The following PALLD variants were observed in gnomAD, a reference collection of about 807,000 sequenced individuals.
PALLD encodes the protein palladin.
A neutral mutation model predicts 123.5 loss-of-function variants in PALLD; 61 were observed. The observed-to-expected ratio is 0.49, with a 90% CI of 0.40 to 0.61. The LOEUF (loss-of-function observed/expected upper bound fraction) is 0.61. PALLD is among the 20% of genes least tolerant of loss of function. The pLI is 0.00. For synonymous variants in PALLD, 465 were observed against 496.4 expected, an observed-to-expected ratio of 0.94 and a Z score of 0.84; for missense variants, 1,273 against 1,377.0, an observed-to-expected ratio of 0.92 and a Z score of 1.20.
intron 5 of PALLD, among the ~76,000 whole-genome samples, chr4:168,684,609 A>G (rs1781854310): frequency 6.6e-6 from 1 of 152,226 alleles, no homozygotes; most frequent in Non-Finnish European, 1.5e-5. Context: ...TCCCTGGCAT[A>G]GAGTAAATAT....
intron 10 of PALLD, among the ~76,000 whole-genome samples, chr4:168,825,280 CTCTT>C (rs1388518580): frequency 1.3e-5 from 2 of 152,168 alleles, no homozygotes; most frequent in African/African-American, 4.8e-5. Flanking sequence ...TCTTCTCTCT[CTCTT>C]CTCATTCCAT....
At chr4:168,639,833 C>G (rs142983185) in intron 2 of PALLD, among the ~76,000 whole-genome samples, 1 of 152,174 alleles carries the variant, frequency 6.6e-6, no homozygotes, top group Admixed American at 6.6e-5. Flanking sequence ...CGTGAGCCAC[C>G]GTGCCCGGCC....
chr4:168,890,455 C>T (rs1753991890), intron 10 of PALLD, among the ~76,000 whole-genome samples: 1 of 152,168 alleles, frequency 6.6e-6, no homozygotes, highest in South Asian at 2.1e-4. Context: ...ATAATGATTA[C>T]AAAGCACTAG....
chr4:168,898,654 G>C lies in PALLD; in HGVS notation c.2412G>C (p.Lys804Asn), dbSNP rs1221025189. 5.0e-6 allele frequency: 8 copies of C among 1,614,056 alleles called. No homozygotes were observed. Among genetic ancestry groups the C allele is most frequent in the Non-Finnish European group, 6.8e-6 (8 of 1,180,032 alleles). Residue 804 changes from lysine to asparagine, a missense_variant, in exon 14 of 22, where the codon AAG becomes AAC. Transcript: ENST00000505667. ...PFFEMKLKHY[K>N]IFEGMPVTFT... Reference sequence around the variant, plus strand: ...TTGAGATGAAGCTGAAACATTACAAGATCTTTGAGGGAATGCCAGTAACTT... The same window carrying C: ...TTGAGATGAAGCTGAAACATTACAACATCTTTGAGGGAATGCCAGTAACTT...
At chr4:168,761,641 G>GGTTGTTTTTTTTTTTTTTTTTTTTTTTTT (rs1732853351) in intron 10 of PALLD, among the ~76,000 whole-genome samples, 1 of 11,650 alleles carries the variant, frequency 8.6e-5, no homozygotes, top group African/African-American at 2.1e-4. Context: ...TGTTGTTGTT[G>GGTTGTTTTTTTTTTTTTTTTTTTTTTTTT]TTTGTTTTTT....
chr4:168,631,735 C>T, intron 2 of PALLD: 1 of 985,510 alleles, frequency 1.0e-6, no homozygotes, highest in Non-Finnish European at 1.2e-6. Context: ...AGGCAAGGGG[C>T]CGGCCTTTTG....
intron 3 of PALLD, among the ~76,000 whole-genome samples, chr4:168,669,152 T>C (rs1226082081): frequency 2.0e-5 from 3 of 152,178 alleles, no homozygotes; most frequent in African/African-American, 7.2e-5. Context: ...TTAAAATCCT[T>C]GAGGTCTGTA....
chr4:168,897,561 C>T (rs1029165964), intron 13 of PALLD, among the ~76,000 whole-genome samples: 62 of 152,286 alleles, frequency 4.1e-4, no homozygotes, highest in African/African-American at 1.5e-3. Context: ...ATCCTCCCAC[C>T]TCAGCCTCCC....
intron 10 of PALLD, among the ~76,000 whole-genome samples, chr4:168,875,915 T>A (rs546618435): frequency 6.6e-6 from 1 of 152,308 alleles, no homozygotes; most frequent in East Asian, 1.9e-4. Context: ...CGTGATATGA[T>A]GTCTGTAGCT....
intron 10 of PALLD, among the ~76,000 whole-genome samples, chr4:168,805,694 G>A (rs2150708722): frequency 6.6e-6 from 1 of 152,150 alleles, no homozygotes; most frequent in African/African-American, 2.4e-5. Context: ...CGACTCCCCT[G>A]TTACAGAGGT....
chr4:168,908,710 GATGAA>G (rs1758320223), intron 15 of PALLD, among the ~76,000 whole-genome samples: 1 of 152,066 alleles, frequency 6.6e-6, no homozygotes, highest in Admixed American at 6.6e-5. Flanking sequence ...CTGTAGCCCA[GATGAA>G]ATGAAATAAC....
intron 10 of PALLD, among the ~76,000 whole-genome samples, chr4:168,788,263 A>G (rs1737031213): frequency 6.6e-6 from 1 of 151,650 alleles, no homozygotes; most frequent in South Asian, 2.1e-4. Flanking sequence ...AAATGTGTAG[A>G]AAAGGAAAAT....
At chr4:168,861,180 T>C (rs112808446) in intron 10 of PALLD, among the ~76,000 whole-genome samples, 1,783 of 152,252 alleles carry the variant, frequency 0.012, 44 homozygotes, top group African/African-American at 0.041. Context: ...AACTAATTAC[T>C]TGCAAAGAAT....
Position 168,579,584 on chromosome 4 carries a change from A to T in PALLD, c.908+67172A>T. 1.3e-5 allele frequency among the ~76,000 whole-genome samples: 2 copies of T among 152,084 alleles called. 1 individual carries two copies. Among genetic ancestry groups the T allele is most frequent in the Non-Finnish European group, 2.9e-5 (2 of 67,988 alleles). ...GGTCTAGGTCAATGTTCTTAAAATA[A>T]ATATTTAAAGGAAAATTAACAAATT... is the stretch of plus-strand genomic sequence containing the variant. On this transcript the variant is annotated intron_variant, in intron 2 of 21. Transcript: ENST00000505667.
intron 2 of PALLD, among the ~76,000 whole-genome samples, chr4:168,568,900 T>C (rs1054913795): frequency 6.6e-6 from 1 of 152,038 alleles, no homozygotes; most frequent in Non-Finnish European, 1.5e-5. Flanking sequence ...AGTTGTTCTA[T>C]ATTTTAAGGA....
At chr4:168,645,212 A>C (rs1777329125) in intron 2 of PALLD, among the ~76,000 whole-genome samples, 1 of 152,190 alleles carries the variant, frequency 6.6e-6, no homozygotes, top group Non-Finnish European at 1.5e-5. Context: ...CCCAATCCGT[A>C]AAATGAAGGC....
At chr4:168,770,486 C>G (rs570284937) in intron 10 of PALLD, among the ~76,000 whole-genome samples, 1 of 152,214 alleles carries the variant, frequency 6.6e-6, no homozygotes, top group Admixed American at 6.5e-5. Context: ...TGGCGATCTT[C>G]AGGACAAACC....
At chr4:168,791,725 C>T (rs572153711) in intron 10 of PALLD, among the ~76,000 whole-genome samples, 7 of 152,254 alleles carry the variant, frequency 4.6e-5, no homozygotes, top group African/African-American at 1.7e-4. Context: ...TGTTGATTAT[C>T]TGATTGAAAT....
chr4:168,752,207 T>C (rs1581273340), intron 10 of PALLD, among the ~76,000 whole-genome samples: 1 of 152,316 alleles, frequency 6.6e-6, no homozygotes, highest in East Asian at 1.9e-4. Context: ...ACTCTGTCTC[T>C]ACAAAAAAGT....
Sources: gnomAD v4.1 joint callset for allele counts (sites outside exome capture counted in the v4.1 genomes callset) on GRCh38, gnomAD v4.1.1 for gene constraint, MANE v1.5 for transcripts, NCBI Gene and HGNC (gene_info 2026-07-23, HGNC 2026-07-21) for gene names.